Variants in TENM4 observed in about 807,000 individuals in gnomAD.
TENM4 encodes the protein teneurin transmembrane protein 4.
In TENM4, 82 loss-of-function variants were observed where a neutral mutation model predicts 243.3. That is an observed-to-expected ratio of 0.34 (90% confidence interval 0.28 to 0.40). TENM4 has a LOEUF of 0.40. Among genes scored for constraint, TENM4 ranks in the 10% least tolerant of loss-of-function variants. The pLI is 1.00. For missense variants in TENM4, 3,138 were observed against 3,673.3 expected, an observed-to-expected ratio of 0.85 and a Z score of 3.77; for synonymous variants, 1,412 against 1,456.3, an observed-to-expected ratio of 0.97 and a Z score of 0.69.
At chr11:79,350,184 G>C (rs1857391161) in intron 1 of TENM4, among the ~76,000 whole-genome samples, 1 of 152,124 alleles carries the variant, frequency 6.6e-6, no homozygotes, top group Non-Finnish European at 1.5e-5. Context: ...TTCAGAACGG[G>C]GCTGCTTCTC....
chr11:79,019,228 C>G (rs953820646), intron 6 of TENM4, among the ~76,000 whole-genome samples: 5 of 152,172 alleles, frequency 3.3e-5, no homozygotes, highest in Admixed American at 1.3e-4. Flanking sequence ...TTTCCTGGAG[C>G]CTGGACCAGA....
chr11:78,720,411 A>G (rs188714287), intron 24 of TENM4, 21 bp from the exon 25 acceptor site: 1 of 1,613,842 alleles, frequency 6.2e-7, no homozygotes, highest in East Asian at 2.2e-5. Context: ...ACAGGAGAGC[A>G]GGGAATAGAA....
intron 2 of TENM4, among the ~76,000 whole-genome samples, chr11:79,254,333 A>G (rs954405777): frequency 6.6e-6 from 1 of 152,218 alleles, no homozygotes; most frequent in Non-Finnish European, 1.5e-5. Flanking sequence ...TAACAAGAGT[A>G]ATTAGTTTTG....
At chr11:78,696,018 G>T (rs1858952148) in intron 28 of TENM4, among the ~76,000 whole-genome samples, 1 of 151,626 alleles carries the variant, frequency 6.6e-6, no homozygotes, top group Admixed American at 6.6e-5. Flanking sequence ...CCAATTACAT[G>T]TATATCAGAC....
chr11:78,977,366 TG>T (rs1363210315), intron 6 of TENM4, among the ~76,000 whole-genome samples: 3 of 152,208 alleles, frequency 2.0e-5, no homozygotes, highest in Non-Finnish European at 4.4e-5. Flanking sequence ...CAGGGCTGGG[TG>T]GTGGGTCAAT....
chr11:78,819,558 G>T (rs778984999), intron 12 of TENM4, among the ~76,000 whole-genome samples: 5 of 152,178 alleles, frequency 3.3e-5, no homozygotes, highest in Non-Finnish European at 7.3e-5. Context: ...GGGCATACCT[G>T]CCTCTTGCCT....
intron 2 of TENM4, among the ~76,000 whole-genome samples, chr11:79,248,903 G>T (rs1855564475): frequency 6.6e-6 from 1 of 152,114 alleles, no homozygotes; most frequent in African/African-American, 2.4e-5. Flanking sequence ...AGTGACAGCA[G>T]ACACTGGTTA....
intron 6 of TENM4, among the ~76,000 whole-genome samples, chr11:79,045,570 C>T (rs912045714): frequency 9.9e-5 from 15 of 152,252 alleles, no homozygotes; most frequent in African/African-American, 3.4e-4. Flanking sequence ...CAGTGGAGGG[C>T]CCTGGCCTGG....
chr11:78,950,288 G>A (rs182360897), intron 6 of TENM4, among the ~76,000 whole-genome samples: 194 of 152,298 alleles, frequency 1.3e-3, no homozygotes, highest in Non-Finnish European at 1.9e-3. Context: ...GCAACTCAGC[G>A]GTTTCCATTC....
intron 1 of TENM4, among the ~76,000 whole-genome samples, chr11:79,426,549 C>T (rs146457947): frequency 9.3e-4 from 141 of 152,312 alleles, no homozygotes; most frequent in African/African-American, 3.3e-3. Context: ...GAGAGAAGAT[C>T]GGAGTGAACC....
At chr11:79,219,709 C>T (rs757769218) in intron 2 of TENM4, among the ~76,000 whole-genome samples, 3 of 152,210 alleles carry the variant, frequency 2.0e-5, no homozygotes, top group African/African-American at 2.4e-5. Context: ...GTGCATGACA[C>T]CATGTACCTG....
intron 6 of TENM4, among the ~76,000 whole-genome samples, chr11:78,916,784 A>C (rs550861234): frequency 6.6e-6 from 1 of 152,168 alleles, no homozygotes; most frequent in African/African-American, 2.4e-5. Flanking sequence ...CAATGATGGG[A>C]TATTTCAGGC....
chr11:78,708,398 C>G lies in TENM4; in HGVS notation c.4172G>C (p.Arg1391Pro). The G allele has an allele frequency of 6.2e-7, 1 of 1,614,008 alleles. No individual in the cohort carries two copies. The highest frequency in any genetic ancestry group is 8.5e-7 in the Non-Finnish European group (1 of 1,179,898). Residue 1391 changes from arginine (R) to proline (P), a missense_variant, in exon 27 of 34, where the codon CGG becomes CCG. By Grantham distance (103) the Arg-to-Pro change is moderately radical. This residue lies in a region of TENM4 where 2,467 missense variants were observed against 3,059.1 expected (regional missense o/e 0.81). Transcript: ENST00000278550. ...LLGSNDLTSARPLSCDSVMDI... is the reference protein window; with the variant it reads ...LLGSNDLTSAPPLSCDSVMDI... ...CATGACAGAATCACAGCTGAGTGGC[C>G]GGGCTGATGTGAGATCATTAGAGCC...
intron 6 of TENM4, among the ~76,000 whole-genome samples, chr11:79,002,774 T>C (rs1395237794): frequency 2.0e-5 from 3 of 152,192 alleles, no homozygotes; most frequent in Non-Finnish European, 4.4e-5. Flanking sequence ...ACTGCACTAG[T>C]TCCCCAGCAA....
At chr11:78,665,592 TG>T (rs901202409) in intron 32 of TENM4, among the ~76,000 whole-genome samples, 1 of 152,222 alleles carries the variant, frequency 6.6e-6, no homozygotes, top group Non-Finnish European at 1.5e-5. Flanking sequence ...TTCATGTGTG[TG>T]GTTTTGTTCT....
chr11:78,891,090 G>T (rs1280032020), intron 8 of TENM4, 148 bp downstream of exon 8: 1 of 673,698 alleles, frequency 1.5e-6, no homozygotes, highest in Non-Finnish European at 2.6e-6. Context: ...AGGATAAACT[G>T]TTGCAAGTTG....
At chr11:78,986,434 C>G (rs529506179) in intron 6 of TENM4, among the ~76,000 whole-genome samples, 36 of 152,272 alleles carry the variant, frequency 2.4e-4, no homozygotes, top group African/African-American at 8.2e-4. Flanking sequence ...TACATGGGAA[C>G]CTGTCATATT....
intron 21 of TENM4, among the ~76,000 whole-genome samples, chr11:78,730,911 C>T (rs920253900): frequency 6.6e-6 from 1 of 152,192 alleles, no homozygotes; most frequent in African/African-American, 2.4e-5. Context: ...GACTTATACC[C>T]TGGTGAGCCC....
In TENM4 at chr11:78,702,032, G is replaced by A. The variant is rs374134408; in HGVS notation, c.4581C>T (p.Asp1527=). 58 of 1,613,628 alleles carry A rather than the reference G, an allele frequency of 3.6e-5. No homozygotes were observed. Among genetic ancestry groups the A allele is most frequent in the South Asian group, 3.3e-4 (30 of 91,042 alleles). The part of the protein sequence containing the change: ...NDANCDCFSG[D]DGYAKDAKLN... ...ACTTTGCATCCTTGGCATAACCATC[G>A]TCTCCAGAAAAACAATCACAGTTGG... The change falls in exon 28 of 34, where the codon GAC becomes GAT. Residue 1527 remains aspartate (D), a synonymous_variant. Transcript: ENST00000278550.
Sources: gnomAD v4.1 joint callset for allele counts (sites outside exome capture counted in the v4.1 genomes callset) on GRCh38, gnomAD v4.1.1 for gene constraint, gnomAD v4.1.1 regional missense constraint, MANE v1.5 for transcripts, NCBI Gene and HGNC (gene_info 2026-07-23, HGNC 2026-07-21) for gene names.